Variants in OTUD5 observed in about 807,000 individuals in gnomAD.
The protein encoded by OTUD5 is OTU domain-containing protein 5.
In OTUD5, 2 loss-of-function variants were observed where a neutral mutation model predicts 36.3. That is an observed-to-expected ratio of 0.06 (90% CI 0.02 to 0.17). The LOEUF is 0.17. OTUD5 is among the 10% of genes least tolerant of loss of function. The probability of loss-of-function intolerance (pLI) is 1.00; values close to 1 mark genes in which losing one functional copy is unlikely to be tolerated. For missense variants in OTUD5, 233 were observed against 512.3 expected, an observed-to-expected ratio of 0.45 and a Z score of 5.26; for synonymous variants, 234 against 214.9, an observed-to-expected ratio of 1.09 and a Z score of -0.78.
At chrX:48,932,819 T>G (rs1439527632) in intron 5 of OTUD5, among the ~76,000 whole-genome samples, 1 of 110,938 alleles carries the variant, frequency 9.0e-6, no homozygotes, top group Non-Finnish European at 1.9e-5. Flanking sequence ...TACAAAAAGT[T>G]TTTTTAAAAC....
chrX:48,949,870 C>G (rs940613722), intron 1 of OTUD5, among the ~76,000 whole-genome samples: 3 of 109,758 alleles, frequency 2.7e-5, no homozygotes, highest in Non-Finnish European at 5.7e-5. Flanking sequence ...AAGAAAAGCC[C>G]GGGCACAGTG....
chrX:48,925,787 G>A (rs1569513557), intron 6 of OTUD5, 60 bp downstream of exon 6: 2 of 1,001,406 alleles, frequency 2.0e-6, no homozygotes, highest in Non-Finnish European at 1.4e-6. Context: ...GCTCGCTTGA[G>A]GGCAAAGCAT....
Position 48,923,924 on chromosome X carries a change from A to T in OTUD5, c.1392T>A (p.Ala464=), listed in dbSNP as rs1602362206. 2 of 1,210,639 alleles carry T rather than the reference A, an allele frequency of 1.7e-6. No homozygotes were observed. The highest frequency in any genetic ancestry group is 3.5e-5 in the African/African-American group (2 of 57,485). ...GGGAAGGGGGCTTCATGCCCAATTC[A>T]GCATGCAGCTCAGGGTGCTCAGGTG... ...ASSPEHPELH[A]ELGMKPPSPG... is the part of the protein sequence containing the mutation. Residue 464 remains alanine (A), a synonymous_variant, in exon 7 of 9, where the codon GCT becomes GCA. Coordinates refer to ENST00000376488, the MANE Select transcript of OTUD5 (RefSeq NM_001136157.2).
At chrX:48,950,140 A>AT (rs1557053446) in intron 1 of OTUD5, among the ~76,000 whole-genome samples, 1 of 110,488 alleles carries the variant, frequency 9.1e-6, no homozygotes, top group Non-Finnish European at 1.9e-5. Flanking sequence ...ACCTCAAAAA[A>AT]AAAAAAAAAA....
At chrX:48,927,680 TCCCAGAA>T (rs1602371763) in intron 5 of OTUD5, among the ~76,000 whole-genome samples, 1 of 111,472 alleles carries the variant, frequency 9.0e-6, no homozygotes, top group African/African-American at 3.3e-5. Context: ...ACCCAAAAGC[TCCCAGAA>T]CCCAATCCTT....
chrX:48,945,940 C>T (rs938557477), intron 1 of OTUD5, among the ~76,000 whole-genome samples: 1 of 111,157 alleles, frequency 9.0e-6, no homozygotes. Context: ...GGGCCCCTCA[C>T]GCCCTCTGCT....
Position 48,945,130 on chromosome X carries a change from T to C in OTUD5, c.595-847A>G, listed in dbSNP as rs782101009. ...ATATCTACACATATATACATATGTA[T>C]GTATACAAACACACGTACACAAAAT... On this transcript the variant is annotated intron_variant, in intron 1 of 8. Transcript: ENST00000376488. Among the ~76,000 whole-genome samples, 3 of 111,166 alleles carry C rather than the reference T, an allele frequency of 2.7e-5. No homozygotes were observed. In the South Asian group the frequency reaches 1.1e-3, roughly 42 times the overall value.
intron 5 of OTUD5, among the ~76,000 whole-genome samples, chrX:48,930,076 C>T (rs2063728699): frequency 1.8e-5 from 2 of 110,688 alleles, no homozygotes; most frequent in Admixed American, 1.9e-4. Flanking sequence ...TGCACTCCAG[C>T]CTGGGCGACA....
intron 1 of OTUD5, among the ~76,000 whole-genome samples, chrX:48,955,939 G>A (rs1383438248): frequency 1.8e-5 from 2 of 111,455 alleles, no homozygotes; most frequent in African/African-American, 6.5e-5. Flanking sequence ...CCAGGCCCCT[G>A]AAGAGGCCTC....
chrX:48,936,842 T>TC (rs1220091426), intron 2 of OTUD5, among the ~76,000 whole-genome samples: 1 of 111,589 alleles, frequency 9.0e-6, no homozygotes, highest in Non-Finnish European at 1.9e-5. Flanking sequence ...TCCCTTTGTT[T>TC]CCCCAGAGGA....
intron 1 of OTUD5, among the ~76,000 whole-genome samples, chrX:48,949,980 C>T (rs1171844540): frequency 1.8e-5 from 2 of 109,972 alleles, no homozygotes; most frequent in African/African-American, 3.3e-5. Flanking sequence ...AAAACCCCAT[C>T]TCTACTAAAA....
intron 1 of OTUD5, among the ~76,000 whole-genome samples, chrX:48,955,374 G>A (rs1187030424): frequency 1.5e-4 from 17 of 111,470 alleles, no homozygotes; most frequent in Admixed American, 1.3e-3. Context: ...CTGTTCCACA[G>A]GGATCCTTTA....
At chrX:48,949,182 G>A (rs1859966060) in intron 1 of OTUD5, among the ~76,000 whole-genome samples, 1 of 111,874 alleles carries the variant, frequency 8.9e-6, no homozygotes, top group African/African-American at 3.3e-5. Context: ...AGCCTCTCTA[G>A]TAGGCTGATT....
chrX:48,943,115 G>A (rs1557051512), intron 2 of OTUD5, among the ~76,000 whole-genome samples: 1 of 111,647 alleles, frequency 9.0e-6, no homozygotes, highest in African/African-American at 3.3e-5. Flanking sequence ...GTCAGGGCCA[G>A]AACTAGAAGG....
intron 6 of OTUD5, among the ~76,000 whole-genome samples, chrX:48,925,171 C>T (rs1036348130): frequency 2.7e-4 from 29 of 107,803 alleles, no homozygotes; most frequent in African/African-American, 7.8e-4. Context: ...CTAGTTACTC[C>T]GCAGGCTGAG....
At position 48,957,409 on chromosome X, in the gene OTUD5, G is replaced by C; in HGVS notation, c.162C>G (p.Ser54=). ...CTCGCGGACGGGCCCCCACGACGCCGGAGTCACGGTCGCGATCGCCGCCGC... is the reference window on the plus strand; with the variant it reads ...CTCGCGGACGGGCCCCCACGACGCCCGAGTCACGGTCGCGATCGCCGCCGC... ...GVGGGDRDRD[S]GVVGARPRAS... The change falls in exon 1 of 9, where the codon TCC becomes TCG. Residue 54 remains serine (S), a synonymous_variant. Coordinates refer to ENST00000376488, the MANE Select transcript of OTUD5 (RefSeq NM_001136157.2). 3 of 1,087,514 alleles carry C rather than the reference G, an allele frequency of 2.8e-6. No individual in the cohort carries two copies. The highest frequency in any genetic ancestry group is 3.6e-6 in the Non-Finnish European group (3 of 840,443). The allele number at this position is 1,087,514 out of a possible 1,213,427, so 89.6% of individuals were successfully genotyped here.
chrX:48,931,999 A>G (rs2063760338), intron 5 of OTUD5, among the ~76,000 whole-genome samples: 1 of 105,766 alleles, frequency 9.5e-6, no homozygotes, highest in African/African-American at 3.5e-5. Flanking sequence ...AAACACAAAA[A>G]TTAGCTGGGC....
intron 2 of OTUD5, among the ~76,000 whole-genome samples, chrX:48,935,399 T>C (rs1322773192): frequency 8.1e-5 from 9 of 110,989 alleles, no homozygotes; most frequent in African/African-American, 2.6e-4. Flanking sequence ...CAGGGGGAGT[T>C]TGTGGTTTGT....
Position 48,923,204 on chromosome X carries a change from C to T in OTUD5, c.1671G>A (p.Val557=). ...TCTTGTCTGGGGGCGGGTCTCTGTG[C>T]ACTTTGTTTTTCTTCATACTGTCTA... is the stretch of plus-strand genomic sequence containing the variant. ...EYLDSMKKNK[V]HRDPPPDKS Residue 557 remains valine (V), a synonymous_variant, in exon 9 of 9, where the codon GTG becomes GTA. Transcript: ENST00000376488. 8.3e-7 allele frequency: 1 copy of T among 1,208,683 alleles called. No individual in the cohort carries two copies. Among genetic ancestry groups the T allele is most frequent in the Non-Finnish European group, 1.1e-6 (1 of 893,156 alleles).
Sources: gnomAD v4.1 joint callset for allele counts (sites outside exome capture counted in the v4.1 genomes callset) on GRCh38, gnomAD v4.1.1 for gene constraint, MANE v1.5 for transcripts, NCBI Gene and HGNC (gene_info 2026-07-23, HGNC 2026-07-21) for gene names.